Variants in ZDHHC14 observed in about 807,000 individuals in gnomAD.
ZDHHC14 encodes the protein palmitoyltransferase ZDHHC14.
In ZDHHC14, 16 loss-of-function variants were observed where a neutral mutation model predicts 47.7. That is an observed-to-expected ratio of 0.34 (90% CI 0.23 to 0.51). ZDHHC14 has a LOEUF of 0.51. Among genes scored for constraint, ZDHHC14 ranks in the 20% least tolerant of loss-of-function variants. The pLI is 0.97. For missense variants in ZDHHC14, 515 were observed against 662.5 expected, an observed-to-expected ratio of 0.78 and a Z score of 2.44; for synonymous variants, 293 against 278.9, an observed-to-expected ratio of 1.05 and a Z score of -0.50.
chr6:157,443,829 A>G (rs777873952), intron 1 of ZDHHC14, among the ~76,000 whole-genome samples: 3 of 152,264 alleles, frequency 2.0e-5, no homozygotes, highest in Non-Finnish European at 2.9e-5. Flanking sequence ...CCTTCTCTGG[A>G]ACTCAGTTTT....
chr6:157,478,968 T>G (rs1310828922), intron 1 of ZDHHC14, among the ~76,000 whole-genome samples: 1 of 152,222 alleles, frequency 6.6e-6, no homozygotes, highest in Admixed American at 6.5e-5. Context: ...TTGGTTCCCA[T>G]GCCAACCCAG....
At chr6:157,520,653 T>C (rs1164448306) in intron 1 of ZDHHC14, among the ~76,000 whole-genome samples, 3 of 152,260 alleles carry the variant, frequency 2.0e-5, no homozygotes, top group Admixed American at 6.5e-5. Context: ...TCTTAATGAA[T>C]GTATAAATAC....
At chr6:157,571,669 T>C (rs1172725530) in intron 2 of ZDHHC14, among the ~76,000 whole-genome samples, 3 of 152,092 alleles carry the variant, frequency 2.0e-5, no homozygotes. Flanking sequence ...CTGTTACTTG[T>C]ATGGTGTACA....
At chr6:157,387,916 A>G (rs138193247) in intron 1 of ZDHHC14, among the ~76,000 whole-genome samples, 276 of 152,086 alleles carry the variant, frequency 1.8e-3, no homozygotes, top group African/African-American at 6.4e-3. Flanking sequence ...ATTAATAAAA[A>G]TTTATGATTA....
At chr6:157,432,513 A>G (rs1419229682) in intron 1 of ZDHHC14, among the ~76,000 whole-genome samples, 3 of 152,152 alleles carry the variant, frequency 2.0e-5, no homozygotes, top group Non-Finnish European at 4.4e-5. Flanking sequence ...TCATAAGTCA[A>G]CTGAGGCTTG....
At chr6:157,433,970 C>G (rs1241298822) in intron 1 of ZDHHC14, among the ~76,000 whole-genome samples, 1 of 152,090 alleles carries the variant, frequency 6.6e-6, no homozygotes, top group East Asian at 1.9e-4. Flanking sequence ...GGTAATTGTA[C>G]CAGTATGTGA....
intron 1 of ZDHHC14, among the ~76,000 whole-genome samples, chr6:157,387,834 A>G (rs1777347940): frequency 6.6e-6 from 1 of 152,202 alleles, no homozygotes; most frequent in Non-Finnish European, 1.5e-5. Context: ...TAATGAAGTA[A>G]TGGTAATTTT....
chr6:157,573,361 T>C (rs1475365558), intron 2 of ZDHHC14, among the ~76,000 whole-genome samples: 2 of 152,212 alleles, frequency 1.3e-5, no homozygotes, highest in Non-Finnish European at 2.9e-5. Flanking sequence ...ATGTACCCAG[T>C]GGCAGGCCTT....
intron 1 of ZDHHC14, among the ~76,000 whole-genome samples, chr6:157,387,796 A>G (rs935691551): frequency 2.0e-5 from 3 of 152,226 alleles, no homozygotes; most frequent in African/African-American, 7.2e-5. Context: ...GGTCTATAAT[A>G]GCAAGCTCCC....
chr6:157,595,127 C>G (rs1186620743), intron 3 of ZDHHC14, among the ~76,000 whole-genome samples: 1 of 149,242 alleles, frequency 6.7e-6, no homozygotes, highest in African/African-American at 2.5e-5. Context: ...TCTAAACACA[C>G]CCAATTTGTC....
At chr6:157,583,450 T>C (rs572195216) in intron 2 of ZDHHC14, among the ~76,000 whole-genome samples, 2 of 152,334 alleles carry the variant, frequency 1.3e-5, no homozygotes, top group South Asian at 4.1e-4. Flanking sequence ...TAGTTAATTA[T>C]TGTCCTTGGT....
intron 8 of ZDHHC14, among the ~76,000 whole-genome samples, chr6:157,671,683 TATC>T (rs1313490976): frequency 2.0e-5 from 3 of 152,200 alleles, no homozygotes; most frequent in African/African-American, 7.2e-5. Flanking sequence ...ACGAGGCAGA[TATC>T]ATGTGACTTA....
chr6:157,640,977 A>C (rs1367043220), intron 5 of ZDHHC14, among the ~76,000 whole-genome samples: 1 of 152,202 alleles, frequency 6.6e-6, no homozygotes, highest in Non-Finnish European at 1.5e-5. Flanking sequence ...ATATGCTGAT[A>C]CGGGGGTGGG....
chr6:157,520,548 C>T (rs913364801), intron 1 of ZDHHC14, among the ~76,000 whole-genome samples: 1 of 152,190 alleles, frequency 6.6e-6, no homozygotes, highest in East Asian at 1.9e-4. Context: ...TGCATAATAA[C>T]GTGTACACAG....
chr6:157,405,454 G>T (rs562681805), intron 1 of ZDHHC14, among the ~76,000 whole-genome samples: 3 of 152,130 alleles, frequency 2.0e-5, no homozygotes, highest in Non-Finnish European at 2.9e-5. Flanking sequence ...GGATGGTCTC[G>T]ATCTCCTGAC....
chr6:157,393,656 CT>C (rs746455391), intron 1 of ZDHHC14, among the ~76,000 whole-genome samples: 1 of 152,170 alleles, frequency 6.6e-6, no homozygotes, highest in Non-Finnish European at 1.5e-5. Context: ...TTTTCCCTTT[CT>C]CTCATAAGAT....
chr6:157,395,160 T>C lies in ZDHHC14; in HGVS notation c.245+12894T>C, dbSNP rs1777495185. ...CTTCCTCACTCCTTGTCTCTATTTT[T>C]ATTTTTATTTATTTTTTTAAGATAA... On this transcript the variant is annotated intron_variant, in intron 1 of 8. Coordinates refer to ENST00000359775, the MANE Select transcript of ZDHHC14 (RefSeq NM_024630.3). Among the ~76,000 whole-genome samples, 4 of 150,676 alleles carry C rather than the reference T, an allele frequency of 2.7e-5. No homozygotes were observed. The South Asian group carries it at 8.5e-4, about 32-fold the overall frequency.
intron 3 of ZDHHC14, among the ~76,000 whole-genome samples, chr6:157,596,322 G>A (rs1470511774): frequency 6.6e-6 from 1 of 152,134 alleles, no homozygotes; most frequent in Admixed American, 6.5e-5. Flanking sequence ...AAGAGAAGTA[G>A]CACAGTGGTA....
At chr6:157,458,438 A>G (rs1236531945) in intron 1 of ZDHHC14, among the ~76,000 whole-genome samples, 1 of 152,258 alleles carries the variant, frequency 6.6e-6, no homozygotes, top group Non-Finnish European at 1.5e-5. Context: ...AATCACAGGA[A>G]TATAAGAGTA....
Sources: allele counts gnomAD v4.1 joint callset (sites outside exome capture counted in the v4.1 genomes callset), GRCh38; gene constraint gnomAD v4.1.1; transcripts MANE v1.5; gene names NCBI Gene and HGNC (gene_info 2026-07-23, HGNC 2026-07-21).